The following TGM6 variants were observed in gnomAD, a reference collection of about 807,000 sequenced individuals.
TGM6 encodes protein-glutamine gamma-glutamyltransferase 6.
A neutral mutation model predicts 77.5 loss-of-function variants in TGM6; 74 were observed. The ratio of observed to expected loss-of-function variants is 0.96; its 90% CI spans 0.79 to 1.16. The LOEUF (loss-of-function observed/expected upper bound fraction) is 1.16. TGM6 is among the 50% of genes most tolerant of loss of function. The pLI is 0.00. For missense variants in TGM6, 968 were observed against 940.2 expected (o/e 1.03, Z -0.39); for synonymous variants, 383 against 378.9 (o/e 1.01, Z -0.12).
At chr20:2,407,702 G>T (rs2084761323) in intron 9 of TGM6, among the ~76,000 whole-genome samples, 1 of 152,226 alleles carries the variant, frequency 6.6e-6, no homozygotes, top group South Asian at 2.1e-4. Flanking sequence ...GCCCAGAAGA[G>T]CTGGAATTCT....
At chr20:2,421,685 T>C (rs1324273478) in intron 10 of TGM6, among the ~76,000 whole-genome samples, 2 of 152,348 alleles carry the variant, frequency 1.3e-5, no homozygotes, top group East Asian at 3.9e-4. Context: ...TAACAGTCTT[T>C]TATCGGATGT....
intron 3 of TGM6, 35 bp downstream of exon 3, chr20:2,395,471 CA>C: frequency 1.2e-6 from 2 of 1,614,136 alleles, no homozygotes; most frequent in Non-Finnish European, 1.7e-6. Flanking sequence ...GAGGTTTTTC[CA>C]AAAGACATCC....
intron 10 of TGM6, among the ~76,000 whole-genome samples, chr20:2,425,635 T>A (rs1391275940): frequency 6.6e-6 from 1 of 152,180 alleles, no homozygotes; most frequent in Non-Finnish European, 1.5e-5. Flanking sequence ...TCTCCTTCAA[T>A]AATGTACAAT....
rs1021951234 is a variant in TGM6 at position 2,394,742 on chromosome 20, T to A, written c.181+117T>A. On this transcript the variant is annotated intron_variant, in intron 2 of 12. Coordinates refer to ENST00000202625, the MANE Select transcript of TGM6 (RefSeq NM_198994.3). The stretch of plus-strand genomic sequence containing the variant: ...AGGCTCTGGGGGAAGCAAGTCACTG[T>A]AGGTAGACGGAGCCTTGAACCCTGG... The A allele has an allele frequency of 4.5e-5, 55 of 1,225,630 alleles. 1 individual carries two copies. The South Asian group carries it at 6.6e-4, about 15-fold the overall frequency. 75.9% of individuals were successfully genotyped at this position (1,225,630 alleles called of 1,614,324 possible).
intron 10 of TGM6, among the ~76,000 whole-genome samples, chr20:2,428,709 AAAT>A (rs1319803564): frequency 3.3e-5 from 5 of 152,142 alleles, no homozygotes; most frequent in African/African-American, 1.2e-4. Flanking sequence ...AATAAAATAA[AAAT>A]AATAATACCC....
chr20:2,388,733 A>G (rs78864879), intron 1 of TGM6, among the ~76,000 whole-genome samples: 1,924 of 152,320 alleles, frequency 0.013, 21 homozygotes, highest in Non-Finnish European at 0.019. Flanking sequence ...AAATGAGCTA[A>G]TATTTATAAA....
chr20:2,397,156 A>T (rs1383962665), intron 4 of TGM6, among the ~76,000 whole-genome samples: 1 of 152,230 alleles, frequency 6.6e-6, no homozygotes, highest in Admixed American at 6.5e-5. Flanking sequence ...GGGTGAAAGG[A>T]ACCTCCACTT....
At chr20:2,424,593 A>G (rs1438211555) in intron 10 of TGM6, among the ~76,000 whole-genome samples, 3 of 152,220 alleles carry the variant, frequency 2.0e-5, no homozygotes, top group Admixed American at 6.5e-5. Flanking sequence ...CTTTCTCCAT[A>G]TTAGCAATAA....
intron 12 of TGM6, 31 bp from the exon 13 acceptor site, chr20:2,432,459 A>C: frequency 6.2e-7 from 1 of 1,613,106 alleles, no homozygotes; most frequent in South Asian, 1.1e-5. Context: ...GAGGACTGAC[A>C]GTCTGCCTTT....
chr20:2,399,828 C>T (rs2084694421), intron 6 of TGM6, 90 bp downstream of exon 6: 2 of 1,171,350 alleles, frequency 1.7e-6, no homozygotes, highest in African/African-American at 1.6e-5. Context: ...TGCTGCAACC[C>T]ATCTTCATTG....
chr20:2,402,789 C>T (rs1305389283), intron 7 of TGM6, among the ~76,000 whole-genome samples: 2 of 152,206 alleles, frequency 1.3e-5, no homozygotes, highest in East Asian at 3.9e-4. Flanking sequence ...CTATGGTGCT[C>T]TGCATAATCA....
At position 2,401,161 on chromosome 20, in the gene TGM6, T is replaced by C. The variant is rs531690174; in HGVS notation, c.989+717T>C. ...CAGAGGTTGCCTCTGTGAGCCAAGA[T>C]CATGCCACTGCGCTCCAGCCTGGGT... On this transcript the variant is annotated intron_variant, in intron 7 of 12. Transcript: ENST00000202625. Among the ~76,000 whole-genome samples, 6 of 151,500 alleles carry C rather than the reference T, an allele frequency of 4.0e-5. No homozygotes were observed. In the East Asian group the frequency reaches 1.2e-3, roughly 29 times the overall value.
intron 10 of TGM6, among the ~76,000 whole-genome samples, chr20:2,423,144 C>G (rs756815188): frequency 6.6e-6 from 1 of 151,118 alleles, no homozygotes; most frequent in Non-Finnish European, 1.5e-5. Flanking sequence ...CGCAACACTA[C>G]TACCTGACCA....
At chr20:2,418,847 C>T (rs909671632) in intron 10 of TGM6, among the ~76,000 whole-genome samples, 7 of 151,986 alleles carry the variant, frequency 4.6e-5, no homozygotes, top group South Asian at 2.1e-4. Flanking sequence ...GAGGCCAAGG[C>T]GGGTGGATCA....
chr20:2,432,531 T>G lies in TGM6; in HGVS notation c.2009T>G (p.Phe670Cys). The change falls in exon 13 of 13, where the codon TTT (phenylalanine) becomes TGT (cysteine). Residue 670 changes from phenylalanine (F) to cysteine (C), a missense_variant. Physicochemically the swap from Phe to Cys is radical, Grantham distance 205 (BLOSUM62 -2). Transcript: ENST00000202625. ...LEPQERASVQ[F>C]DITPSKSGPR... ...CCTCAGGAGAGGGCCTCAGTCCAGT[T>G]TGACATCACCCCCTCCAAAAGTGGC... 6.2e-7 allele frequency: 1 copy of G among 1,614,118 alleles called. No individual in the cohort carries two copies. The highest frequency in any genetic ancestry group is 8.5e-7 in the Non-Finnish European group (1 of 1,180,022).
intron 7 of TGM6, 82 bp downstream of exon 7, chr20:2,400,526 A>G: frequency 6.3e-7 from 1 of 1,591,242 alleles, no homozygotes. Flanking sequence ...TAACACCACC[A>G]GGGAGCGGCA....
chr20:2,384,106 C>CAAAA (rs35843804), intron 1 of TGM6, among the ~76,000 whole-genome samples: 3 of 84,606 alleles, frequency 3.5e-5, no homozygotes, highest in African/African-American at 1.4e-4. Context: ...GACTCCGTCT[C>CAAAA]AAAAAAAAAA....
chr20:2,431,154 A>G, intron 12 of TGM6, 127 bp downstream of exon 12: 1 of 1,138,548 alleles, frequency 8.8e-7, no homozygotes. Context: ...CCCACAGACT[A>G]TACATATCAG....
At chr20:2,431,604 A>G (rs1459685471) in intron 12 of TGM6, among the ~76,000 whole-genome samples, 9 of 152,188 alleles carry the variant, frequency 5.9e-5, no homozygotes, top group African/African-American at 1.9e-4. Flanking sequence ...TTGCCTGGAG[A>G]AGGGCTCTCA....
Sources: allele counts gnomAD v4.1 joint callset (sites outside exome capture counted in the v4.1 genomes callset), GRCh38; gene constraint gnomAD v4.1.1; transcripts MANE v1.5; gene names NCBI Gene and HGNC (gene_info 2026-07-23, HGNC 2026-07-21).